MICU3: variants seen among roughly 807,000 people sequenced by gnomAD.
MICU3 encodes calcium uptake protein 3, mitochondrial.
MICU3 carries 62 observed loss-of-function variants against 66.5 expected under a neutral mutation model. The ratio of observed to expected loss-of-function variants is 0.93; its 90% CI spans 0.76 to 1.15. The LOEUF is 1.15. Ranked by LOEUF, MICU3 falls within the 50% of genes most tolerant of loss-of-function variation. The pLI is 0.00. For missense variants in MICU3, 779 were observed against 664.4 expected, an observed-to-expected ratio of 1.17 and a Z score of -1.90; for synonymous variants, 308 against 240.7, an observed-to-expected ratio of 1.28 and a Z score of -2.59.
At chr8:17,069,665 T>C in intron 2 of MICU3, 23 bp from the exon 3 acceptor site, 1 of 1,439,568 alleles carries the variant, frequency 6.9e-7, no homozygotes, top group Non-Finnish European at 9.5e-7. Context: ...ATTATCTAAT[T>C]ATCTTACATT....
At chr8:17,127,684 G>C in the MICU3 span, among the ~76,000 whole-genome samples, 7 of 152,258 alleles carry the variant, frequency 4.6e-5, no homozygotes, top group African/African-American at 1.4e-4. Context: ...AATTCAGATA[G>C]AGATATTTAT....
chr8:17,113,856 C>G (rs570899188), intron 11 of MICU3, among the ~76,000 whole-genome samples: 2 of 151,986 alleles, frequency 1.3e-5, no homozygotes, highest in Non-Finnish European at 2.9e-5. Flanking sequence ...GCTGACACGA[C>G]AGTGTTTACA....
At chr8:17,053,220 T>C (rs557602352) in intron 1 of MICU3, among the ~76,000 whole-genome samples, 8 of 152,296 alleles carry the variant, frequency 5.3e-5, no homozygotes, top group Admixed American at 2.0e-4. Context: ...TTATGCAGTT[T>C]AGATAATTGA....
At chr8:17,037,869 A>C (rs770886486) in intron 1 of MICU3, among the ~76,000 whole-genome samples, 9 of 152,192 alleles carry the variant, frequency 5.9e-5, no homozygotes, top group Non-Finnish European at 1.0e-4. Flanking sequence ...CATGGAGTCA[A>C]AGGAGATCAT....
chr8:17,054,246 A>C (rs1816550622), intron 1 of MICU3, among the ~76,000 whole-genome samples: 1 of 152,208 alleles, frequency 6.6e-6, no homozygotes, highest in South Asian at 2.1e-4. Flanking sequence ...ATATTATTAC[A>C]TTTACTAGGT....
chr8:17,115,090 G>C (rs950870290), intron 12 of MICU3, among the ~76,000 whole-genome samples: 3 of 142,858 alleles, frequency 2.1e-5, no homozygotes, highest in African/African-American at 8.0e-5. Context: ...CTGCACTCCA[G>C]CCTGGGCGAC....
intron 4 of MICU3, among the ~76,000 whole-genome samples, chr8:17,080,012 G>A (rs1038180945): frequency 2.0e-5 from 3 of 151,426 alleles, no homozygotes; most frequent in Non-Finnish European, 4.4e-5. Context: ...TTGAATTTTC[G>A]AAAGAAACCT....
At chr8:17,058,402 T>G (rs1228539058) in intron 1 of MICU3, among the ~76,000 whole-genome samples, 1 of 152,102 alleles carries the variant, frequency 6.6e-6, no homozygotes, top group East Asian at 1.9e-4. Context: ...TCCAGTGAAA[T>G]GGCCATATTT....
intron 1 of MICU3, chr8:17,049,707 C>T (rs951561793): frequency 6.0e-6 from 3 of 500,368 alleles, no homozygotes; most frequent in Non-Finnish European, 1.2e-5. Context: ...TGTTGTAATA[C>T]TGAAGTTCTG....
chr8:17,114,038 G>GGTCACC, intron 11 of MICU3, 55 bp from the exon 12 acceptor site: 1 of 1,163,080 alleles, frequency 8.6e-7, no homozygotes, highest in Non-Finnish European at 1.3e-6. Context: ...TGTAGATCCT[G>GGTCACC]ATTTTAATAA....
chr8:17,105,391 C>T (rs1563385918), intron 10 of MICU3, 22 bp from the exon 11 acceptor site: 1 of 1,413,004 alleles, frequency 7.1e-7, no homozygotes, highest in African/African-American at 1.5e-5. Context: ...CTTTTTCCTT[C>T]TTTATTACAT....
At chr8:17,132,723 C>G in the MICU3 span, 6 of 152,212 alleles carry the variant, frequency 3.9e-5, no homozygotes, top group Non-Finnish European at 8.8e-5. Context: ...GAACTCAGAT[C>G]TCTGAAATGG....
intron 13 of MICU3, among the ~76,000 whole-genome samples, chr8:17,118,191 C>T (rs1802870629): frequency 6.6e-6 from 1 of 152,120 alleles, no homozygotes; most frequent in Non-Finnish European, 1.5e-5. Flanking sequence ...CACTGTACTG[C>T]TCTCTTAAGT....
intron 1 of MICU3, among the ~76,000 whole-genome samples, chr8:17,045,888 C>T (rs1432463843): frequency 6.6e-6 from 1 of 152,152 alleles, no homozygotes; most frequent in Non-Finnish European, 1.5e-5. Context: ...ATGAGAACAG[C>T]ATGGGAAAGA....
intron 3 of MICU3, among the ~76,000 whole-genome samples, chr8:17,077,540 T>C (rs549508205): frequency 6.6e-6 from 1 of 152,326 alleles, no homozygotes; most frequent in South Asian, 2.1e-4. Context: ...ATTCAACTTA[T>C]CTGAAATTTT....
At chr8:17,049,960 T>A (rs1382801171) in intron 1 of MICU3, among the ~76,000 whole-genome samples, 1 of 152,202 alleles carries the variant, frequency 6.6e-6, no homozygotes, top group Non-Finnish European at 1.5e-5. Context: ...ACTGTTTCTA[T>A]GGTAGCACCT....
the MICU3 span, among the ~76,000 whole-genome samples, chr8:17,128,682 G>C: frequency 6.6e-6 from 1 of 152,210 alleles, no homozygotes; most frequent in African/African-American, 2.4e-5. Flanking sequence ...GGAAAACTAT[G>C]TGGTGGAACT....
chr8:17,047,835 A>G (rs1815349291), intron 1 of MICU3, among the ~76,000 whole-genome samples: 1 of 152,256 alleles, frequency 6.6e-6, no homozygotes, highest in Non-Finnish European at 1.5e-5. Flanking sequence ...AAGAAATGAA[A>G]TGAATTAACA....
chr8:17,066,781 G>A (rs768040580), intron 2 of MICU3, among the ~76,000 whole-genome samples: 4 of 151,606 alleles, frequency 2.6e-5, no homozygotes, highest in African/African-American at 4.8e-5. Flanking sequence ...TCCTGGGCTC[G>A]AGCAGTCCAC....
Sources: gnomAD v4.1 joint callset for allele counts (sites outside exome capture counted in the v4.1 genomes callset) on GRCh38, gnomAD v4.1.1 for gene constraint, MANE v1.5 for transcripts, NCBI Gene and HGNC (gene_info 2026-07-23, HGNC 2026-07-21) for gene names.